HSPA12A: variants seen among roughly 807,000 people sequenced by gnomAD.
The protein encoded by HSPA12A is heat shock protein family A (Hsp70) member 12A, also known as heat shock 70 kDa protein 12A.
HSPA12A carries 28 observed loss-of-function variants against 69.2 expected under a neutral mutation model. The ratio of observed to expected loss-of-function variants is 0.40; its 90% CI spans 0.30 to 0.55. The LOEUF (loss-of-function observed/expected upper bound fraction) is 0.55. HSPA12A is among the 20% of genes least tolerant of loss of function. HSPA12A has a pLI of 0.38. For missense variants in HSPA12A, 686 were observed against 900.7 expected (o/e 0.76, Z 3.05); for synonymous variants, 345 against 370.5 (o/e 0.93, Z 0.79).
chr10:116,783,805 C>T (rs781854389), intron 2 of HSPA12A, among the ~76,000 whole-genome samples: 4 of 152,178 alleles, frequency 2.6e-5, no homozygotes, highest in Admixed American at 6.5e-5. Context: ...CAGGTTCAAG[C>T]GATTCTCCTG....
intron 6 of HSPA12A, among the ~76,000 whole-genome samples, chr10:116,684,753 C>A (rs1554879269): frequency 3.9e-5 from 6 of 152,146 alleles, no homozygotes; most frequent in Non-Finnish European, 8.8e-5. Flanking sequence ...CAATCTGATC[C>A]CCAAGTTCTC....
intron 2 of HSPA12A, among the ~76,000 whole-genome samples, chr10:116,756,707 G>GTTCA (rs1248877762): frequency 6.6e-6 from 1 of 152,190 alleles, no homozygotes; most frequent in Non-Finnish European, 1.5e-5. Flanking sequence ...CATAGTGGGA[G>GTTCA]TTCATTCATT....
At chr10:116,677,865 C>A (rs1191620394) in intron 10 of HSPA12A, among the ~76,000 whole-genome samples, 1 of 152,126 alleles carries the variant, frequency 6.6e-6, no homozygotes, top group Non-Finnish European at 1.5e-5. Context: ...GATAGAATTG[C>A]CATTGTTTAA....
chr10:116,775,650 C>T (rs983785034), intron 2 of HSPA12A, among the ~76,000 whole-genome samples: 1 of 152,080 alleles, frequency 6.6e-6, no homozygotes, highest in Non-Finnish European at 1.5e-5. Flanking sequence ...CCTCAGTGCT[C>T]GGATGCTGGG....
At chr10:116,757,339 A>C (rs1554888872) in intron 2 of HSPA12A, among the ~76,000 whole-genome samples, 1 of 152,124 alleles carries the variant, frequency 6.6e-6, no homozygotes, top group Non-Finnish European at 1.5e-5. Flanking sequence ...GCATGGGCTG[A>C]CCCCTCCAGG....
upstream of HSPA12A, among the ~76,000 whole-genome samples, chr10:116,745,483 C>T (rs1233853129): frequency 6.6e-6 from 1 of 152,232 alleles, no homozygotes; most frequent in Admixed American, 6.5e-5. Context: ...ACCCTCCACA[C>T]CCTCCACAGG....
chr10:116,848,875 T>G (rs1383543460), intron 1 of HSPA12A, among the ~76,000 whole-genome samples: 1 of 152,178 alleles, frequency 6.6e-6, no homozygotes, highest in Admixed American at 6.5e-5. Flanking sequence ...GTTTTTTTCA[T>G]TCCATTGATT....
Position 116,740,698 on chromosome 10 carries a change from G to A in HSPA12A, c.40+1732C>T, listed in dbSNP as rs977691430. On this transcript the variant is annotated intron_variant, in intron 1 of 11. Coordinates refer to ENST00000369209, the MANE Select transcript of HSPA12A (RefSeq NM_025015.3). The stretch of plus-strand genomic sequence containing the variant: ...TGTCTGTGTGTGTGTGTGTGTGTGC[G>A]TGTGTGTGTGTGTTAGGATAGGGGT... Among the ~76,000 whole-genome samples the A allele has an allele frequency of 6.2e-5, 8 of 129,390 alleles. No individual in the cohort carries two copies. The East Asian group carries it at 1.4e-3, about 23-fold the overall frequency. 84.9% of individuals were successfully genotyped at this position (129,390 alleles called of 152,430 possible).
chr10:116,755,961 TG>T (rs1190897068), intron 2 of HSPA12A, among the ~76,000 whole-genome samples: 1 of 152,054 alleles, frequency 6.6e-6, no homozygotes, highest in African/African-American at 2.4e-5. Flanking sequence ...CACTGCAGCC[TG>T]GGCAACAGAG....
chr10:116,709,554 A>T (rs1850363275), intron 1 of HSPA12A, among the ~76,000 whole-genome samples: 1 of 152,210 alleles, frequency 6.6e-6, no homozygotes, highest in Non-Finnish European at 1.5e-5. Context: ...ATGCTATAAC[A>T]TAGGTGAACC....
intron 2 of HSPA12A, among the ~76,000 whole-genome samples, chr10:116,777,562 T>C (rs375941540): frequency 3.9e-5 from 6 of 152,250 alleles, no homozygotes; most frequent in African/African-American, 1.2e-4. Context: ...CAGGTGTACA[T>C]ATCCCCACCA....
intron 2 of HSPA12A, among the ~76,000 whole-genome samples, chr10:116,748,663 C>T (rs563666940): frequency 6.6e-6 from 1 of 152,144 alleles, no homozygotes; most frequent in Non-Finnish European, 1.5e-5. Flanking sequence ...TAAGAAGGAG[C>T]AAGTCACATC....
chr10:116,711,854 A>C lies in HSPA12A; in HGVS notation c.41-4569T>G, dbSNP rs546648373. 2.7e-5 allele frequency among the ~76,000 whole-genome samples: 4 copies of C among 150,674 alleles called. No individual in the cohort carries two copies. The South Asian group carries it at 8.4e-4, about 32-fold the overall frequency. On this transcript the variant is annotated intron_variant, in intron 1 of 11. Coordinates refer to ENST00000369209, the MANE Select transcript of HSPA12A (RefSeq NM_025015.3). Reference sequence around the variant, plus strand: ...AATGTTTTTTTTTTTTAAATTTTTAAATTTTTTTATTTTTAGTAGAGACAG... The same window carrying C: ...AATGTTTTTTTTTTTTAAATTTTTACATTTTTTTATTTTTAGTAGAGACAG...
intron 1 of HSPA12A, among the ~76,000 whole-genome samples, chr10:116,839,607 A>C (rs1251504545): frequency 7.4e-6 from 1 of 134,344 alleles, no homozygotes; most frequent in African/African-American, 3.6e-5. Context: ...CCTACCGTAA[A>C]AAAAAAAAAA....
intron 2 of HSPA12A, among the ~76,000 whole-genome samples, chr10:116,773,474 G>A (rs545582172): frequency 4.7e-4 from 72 of 152,330 alleles, no homozygotes; most frequent in Non-Finnish European, 8.1e-4. Flanking sequence ...AATTGCCTTC[G>A]CAGCTCCCAG....
At chr10:116,749,574 C>T (rs538517195) in intron 2 of HSPA12A, among the ~76,000 whole-genome samples, 19 of 152,338 alleles carry the variant, frequency 1.2e-4, no homozygotes, top group South Asian at 4.1e-4. Flanking sequence ...CAGCTCCTAG[C>T]GCAGCACCTG....
chr10:116,700,844 C>A, intron 4 of HSPA12A, 99 bp downstream of exon 4: 5 of 1,105,298 alleles, frequency 4.5e-6, no homozygotes, highest in South Asian at 4.4e-5. Context: ...GACCAGAGGG[C>A]CCCCTGGGTT....
intron 2 of HSPA12A, chr10:116,827,509 G>A (rs918046129): frequency 1.3e-5 from 2 of 152,218 alleles, no homozygotes; most frequent in African/African-American, 4.8e-5. Context: ...GACACCGCCA[G>A]TGCTGGTGCC....
At chr10:116,828,690 C>T (rs995839022) in intron 2 of HSPA12A, 1 of 152,186 alleles carries the variant, frequency 6.6e-6, no homozygotes, top group Non-Finnish European at 1.5e-5. Context: ...CATTAAACCA[C>T]GTGCAGGGCC....
Sources: gnomAD v4.1 joint callset for allele counts (sites outside exome capture counted in the v4.1 genomes callset) on GRCh38, gnomAD v4.1.1 for gene constraint, MANE v1.5 for transcripts, NCBI Gene and HGNC (gene_info 2026-07-23, HGNC 2026-07-21) for gene names.